Variants in VSIG10 observed in about 807,000 individuals in gnomAD.
The protein encoded by VSIG10 is V-set and immunoglobulin domain-containing protein 10.
Under a neutral mutation model 58.7 loss-of-function variants are expected in VSIG10, and 48 were observed. The observed-to-expected ratio is 0.82, with a 90% confidence interval of 0.65 to 1.04. The LOEUF (loss-of-function observed/expected upper bound fraction) is 1.04. Among genes scored for constraint, VSIG10 ranks in the 50% least tolerant of loss-of-function variants. The pLI is 0.00. For missense variants in VSIG10, 628 were observed against 670.0 expected, an observed-to-expected ratio of 0.94 and a Z score of 0.69; for synonymous variants, 260 against 267.1, an observed-to-expected ratio of 0.97 and a Z score of 0.26.
intron 2 of VSIG10, among the ~76,000 whole-genome samples, chr12:118,091,283 G>A (rs1230239240): frequency 6.6e-6 from 1 of 152,080 alleles, no homozygotes; most frequent in African/African-American, 2.4e-5. Flanking sequence ...ACGAGGTCAG[G>A]AGATCGAGAC....
chr12:118,091,813 A>G (rs1387345277), intron 2 of VSIG10, among the ~76,000 whole-genome samples: 2 of 151,854 alleles, frequency 1.3e-5, no homozygotes, highest in Admixed American at 6.6e-5. Flanking sequence ...GCTGGAGTGC[A>G]ATGGCGCAAT....
intron 7 of VSIG10, among the ~76,000 whole-genome samples, chr12:118,070,704 C>A (rs2032456931): frequency 6.6e-6 from 1 of 152,120 alleles, no homozygotes; most frequent in Non-Finnish European, 1.5e-5. Flanking sequence ...GACAGACCTG[C>A]AATGTGTCCA....
chr12:118,094,661 G>T (rs539574512), intron 2 of VSIG10, among the ~76,000 whole-genome samples: 31 of 152,130 alleles, frequency 2.0e-4, no homozygotes, highest in Non-Finnish European at 4.3e-4. Context: ...GGAATTACAG[G>T]CATGAGCCAC....
intron 3 of VSIG10, 124 bp from the exon 4 acceptor site, chr12:118,079,730 T>C: frequency 7.6e-7 from 1 of 1,318,958 alleles, no homozygotes; most frequent in Non-Finnish European, 1.0e-6. Flanking sequence ...TGTTAGCATC[T>C]AATAGCTCCT....
chr12:118,079,636 G>GA (rs1297736330), intron 3 of VSIG10, 30 bp from the exon 4 acceptor site: 1 of 1,610,868 alleles, frequency 6.2e-7, no homozygotes, highest in Non-Finnish European at 8.5e-7. Flanking sequence ...AGCATGGGCT[G>GA]AATCACAGAC....
At chr12:118,102,209 AG>A (rs1364429420) in intron 1 of VSIG10, 2 of 152,262 alleles carry the variant, frequency 1.3e-5, no homozygotes, top group Non-Finnish European at 2.9e-5. Context: ...ACTTCATCCC[AG>A]GGTTCTTCTC....
intron 2 of VSIG10, among the ~76,000 whole-genome samples, chr12:118,091,703 C>T (rs1367127199): frequency 6.6e-6 from 1 of 152,054 alleles, no homozygotes; most frequent in Non-Finnish European, 1.5e-5. Context: ...GATGAGGAAT[C>T]TTGGATCCAG....
intron 2 of VSIG10, among the ~76,000 whole-genome samples, chr12:118,093,116 T>C (rs190967331): frequency 0.013 from 1,789 of 142,956 alleles, 32 homozygotes; most frequent in African/African-American, 0.044. Context: ...AGTGAAACCC[T>C]GTCTCTGCTA....
intron 2 of VSIG10, among the ~76,000 whole-genome samples, chr12:118,087,457 T>C (rs1004017502): frequency 1.3e-5 from 2 of 151,878 alleles, no homozygotes; most frequent in African/African-American, 4.8e-5. Flanking sequence ...CCCCAGCCAC[T>C]TGCAGATAAC....
At position 118,066,576 on chromosome 12, in the gene VSIG10, A is replaced by C. The variant is rs556199135; in HGVS notation, c.*63T>G. ...CAGGTGGAGTCAAAGCTGAATGAAGAGCTCGTCTTCAATGTAGCTCTCCAA... is the reference window on the plus strand; with the variant it reads ...CAGGTGGAGTCAAAGCTGAATGAAGCGCTCGTCTTCAATGTAGCTCTCCAA... On this transcript the variant is annotated 3_prime_UTR_variant, in exon 9 of 9. Transcript: ENST00000359236. 1.5e-4 allele frequency: 232 copies of C among 1,586,438 alleles called. 2 individuals carry two copies. The East Asian group carries it at 2.5e-3, about 17-fold the overall frequency.
chr12:118,098,264 CGCCTCTCCCTCTCTCT>C (rs2033522934), intron 1 of VSIG10, among the ~76,000 whole-genome samples: 1 of 140,814 alleles, frequency 7.1e-6, no homozygotes, highest in African/African-American at 2.7e-5. Context: ...CCTCTCTCTC[CGCCTCTCCCTCTCTCT>C]CCGCCTCTCC....
At chr12:118,066,862 C>T in intron 8 of VSIG10, 168 bp from the exon 9 acceptor site, 1 of 697,550 alleles carries the variant, frequency 1.4e-6, no homozygotes, top group East Asian at 2.7e-5. Context: ...CACCTGTTTT[C>T]TACATTCAGA....
rs906864637 is a variant in VSIG10 at position 118,095,596 on chromosome 12, T to C, written c.298A>G (p.Ile100Val). Residue 100 changes from isoleucine (I) to valine (V), a missense_variant, in exon 2 of 9, where the codon ATC becomes GTC. Physicochemically the swap from Ile to Val is conservative, Grantham distance 29 (BLOSUM62 3). Coordinates refer to ENST00000359236, the MANE Select transcript of VSIG10 (RefSeq NM_019086.6). ...TTCAGGATCTCCTGGCAGGTGTAGATTCCCTCATCTCCCAGGCTCAGCGAT... is the reference window on the plus strand; with the variant it reads ...TTCAGGATCTCCTGGCAGGTGTAGACTCCCTCATCTCCCAGGCTCAGCGAT... ...IESLSLGDEG[I>V]YTCQEILNVT... 15 of 1,613,720 alleles carry C rather than the reference T, an allele frequency of 9.3e-6. No individual in the cohort carries two copies. The African/African-American group carries it at 1.6e-4, about 17-fold the overall frequency.
In VSIG10 at chr12:118,073,693, A is replaced by C; in HGVS notation, c.1219+6T>G. 1.3e-6 allele frequency: 2 copies of C among 1,599,502 alleles called. No individual in the cohort carries two copies. Among genetic ancestry groups the C allele is most frequent in the South Asian group, 2.2e-5 (2 of 89,270 alleles). On this transcript the variant is annotated splice_donor_region_variant and intron_variant, in intron 5 of 8. Transcript: ENST00000359236. ...TCCCTCCTTCAGGCCCAGTTCCACC[A>C]CTCACCTTTCACACTCAGCCAGATT...
At chr12:118,074,868 T>C (rs2032648198) in intron 4 of VSIG10, among the ~76,000 whole-genome samples, 1 of 152,168 alleles carries the variant, frequency 6.6e-6, no homozygotes, top group African/African-American at 2.4e-5. Context: ...TTGTTCTGAG[T>C]CGTGTGACGA....
chr12:118,070,158 G>A (rs1447690764), intron 7 of VSIG10, among the ~76,000 whole-genome samples: 2 of 152,058 alleles, frequency 1.3e-5, no homozygotes, highest in African/African-American at 2.4e-5. Flanking sequence ...ATCTCCTTAG[G>A]AAATGAAATA....
At chr12:118,093,695 G>A (rs1184954504) in intron 2 of VSIG10, among the ~76,000 whole-genome samples, 1 of 151,954 alleles carries the variant, frequency 6.6e-6, no homozygotes, top group East Asian at 2.0e-4. Context: ...CAGATCACGA[G>A]GTCAGGAGTT....
At position 118,084,413 on chromosome 12, in the gene VSIG10, T is replaced by G. The variant is rs570735391; in HGVS notation, c.362-1984A>C. Among the ~76,000 whole-genome samples the G allele has an allele frequency of 2.0e-5, 3 of 152,278 alleles. No homozygotes were observed. In the South Asian group the frequency reaches 6.2e-4, roughly 32 times the overall value. ...GCACCACACAGTCTGTGCTAATCAG[T>G]TAATGTGTACTTCTTCAATGGGATA... is the stretch of plus-strand genomic sequence containing the variant. On this transcript the variant is annotated intron_variant, in intron 2 of 8. Transcript: ENST00000359236.
intron 2 of VSIG10, among the ~76,000 whole-genome samples, chr12:118,086,892 C>G (rs1453979518): frequency 6.6e-6 from 1 of 152,102 alleles, no homozygotes; most frequent in Non-Finnish European, 1.5e-5. Context: ...TCCTGAGTAG[C>G]TGAGATGACA....
Sources: gnomAD v4.1 joint callset for allele counts (sites outside exome capture counted in the v4.1 genomes callset) on GRCh38, gnomAD v4.1.1 for gene constraint, MANE v1.5 for transcripts, NCBI Gene and HGNC (gene_info 2026-07-23, HGNC 2026-07-21) for gene names.